The following MATCAP2 variants were observed in gnomAD, a reference collection of about 807,000 sequenced individuals.
The protein encoded by MATCAP2 is microtubule associated tyrosine carboxypeptidase 2.
chr7:36,388,824 G>C, the MATCAP2 span, among the ~76,000 whole-genome samples: 1 of 152,204 alleles, frequency 6.6e-6, no homozygotes, highest in Non-Finnish European at 1.5e-5. Context: ...TAGAGGGCTT[G>C]TCAGAATTCC....
the MATCAP2 span, among the ~76,000 whole-genome samples, chr7:36,353,378 C>G: frequency 6.6e-6 from 1 of 151,896 alleles, no homozygotes; most frequent in African/African-American, 2.4e-5. Context: ...ATGAAAACAG[C>G]TGTTTTTTGT....
At chr7:36,379,845 CACAGAGAGAGAG>C in the MATCAP2 span, among the ~76,000 whole-genome samples, 2 of 125,310 alleles carry the variant, frequency 1.6e-5, no homozygotes, top group Non-Finnish European at 3.4e-5. Context: ...CACACACACA[CACAGAGAGAGAG>C]AGAGAGAGAG....
At chr7:36,325,698 C>T in the MATCAP2 span, 1 of 152,182 alleles carries the variant, frequency 6.6e-6, no homozygotes, top group Admixed American at 6.5e-5. Context: ...AAATACAAAG[C>T]TAGGCTAGCA....
the MATCAP2 span, among the ~76,000 whole-genome samples, chr7:36,381,912 A>G: frequency 6.6e-6 from 1 of 152,152 alleles, no homozygotes; most frequent in African/African-American, 2.4e-5. Context: ...GTGAGGAGAA[A>G]TTTTTGAAGT....
At chr7:36,365,876 G>A in the MATCAP2 span, among the ~76,000 whole-genome samples, 2 of 152,212 alleles carry the variant, frequency 1.3e-5, no homozygotes, top group Admixed American at 1.3e-4. Context: ...TTGCCTTTTC[G>A]ATCTCAGATC....
the MATCAP2 span, among the ~76,000 whole-genome samples, chr7:36,389,038 G>T: frequency 6.6e-6 from 1 of 152,284 alleles, no homozygotes; most frequent in African/African-American, 2.4e-5. Context: ...CAAAGCTACT[G>T]AAGGCCAACG....
the MATCAP2 span, among the ~76,000 whole-genome samples, chr7:36,348,394 T>C: frequency 4.6e-5 from 7 of 152,368 alleles, no homozygotes; most frequent in Admixed American, 3.3e-4. Context: ...GTAAAGCTAC[T>C]GATTATAAGA....
At chr7:36,385,835 AATAAAATAAAATAAAATAAG>A in the MATCAP2 span, among the ~76,000 whole-genome samples, 1 of 148,156 alleles carries the variant, frequency 6.7e-6, no homozygotes, top group Non-Finnish European at 1.5e-5. Flanking sequence ...AATAAAATAA[AATAAAATAAAATAAAATAAG>A]ATAAAGAAAG....
At chr7:36,335,221 T>A in the MATCAP2 span, 1 of 1,587,408 alleles carries the variant, frequency 6.3e-7, no homozygotes, top group Non-Finnish European at 8.6e-7. Flanking sequence ...AAACAAAACA[T>A]AAAGGTAAGG....
chr7:36,325,765 G>A, the MATCAP2 span: 2 of 152,054 alleles, frequency 1.3e-5, no homozygotes, highest in African/African-American at 2.4e-5. Context: ...GTCATTACTG[G>A]GTTGATGAAG....
chr7:36,368,535 C>T, the MATCAP2 span, among the ~76,000 whole-genome samples: 2 of 152,184 alleles, frequency 1.3e-5, no homozygotes, highest in Non-Finnish European at 2.9e-5. Flanking sequence ...GTTCAAGCCA[C>T]CACCACCTCT....
the MATCAP2 span, chr7:36,355,214 T>C: frequency 6.6e-6 from 1 of 152,244 alleles, no homozygotes; most frequent in Non-Finnish European, 1.5e-5. Context: ...AACCTCTTTA[T>C]TAGTGCTTTG....
At chr7:36,356,863 AC>A in the MATCAP2 span, 1 of 1,438,048 alleles carries the variant, frequency 7.0e-7, no homozygotes, top group Non-Finnish European at 9.8e-7. Context: ...TTGTTTTAGT[AC>A]ATAAAAATGA....
chr7:36,345,821 C>T, the MATCAP2 span, among the ~76,000 whole-genome samples: 1 of 152,038 alleles, frequency 6.6e-6, no homozygotes, highest in African/African-American at 2.4e-5. Flanking sequence ...GATATGACAC[C>T]AAAAGCACAA....
chr7:36,382,909 T>C, the MATCAP2 span, among the ~76,000 whole-genome samples: 1 of 152,238 alleles, frequency 6.6e-6, no homozygotes, highest in African/African-American at 2.4e-5. Context: ...CTGTGGTCCT[T>C]TAAATATGAA....
chr7:36,352,806 C>G, the MATCAP2 span, among the ~76,000 whole-genome samples: 1 of 141,070 alleles, frequency 7.1e-6, no homozygotes, highest in South Asian at 2.3e-4. Flanking sequence ...GCCTGGGCAA[C>G]AGAGTGAGAC....
chr7:36,369,152 T>C, the MATCAP2 span, among the ~76,000 whole-genome samples: 1 of 152,172 alleles, frequency 6.6e-6, no homozygotes, highest in Non-Finnish European at 1.5e-5. Flanking sequence ...GGCTGGCATG[T>C]AGTAGGTCCT....
chr7:36,357,465 T>G, the MATCAP2 span: 1 of 1,614,192 alleles, frequency 6.2e-7, no homozygotes, highest in Non-Finnish European at 8.5e-7. Context: ...GTTCCAGTTG[T>G]GAAAATGTCT....
the MATCAP2 span, chr7:36,357,290 C>T: frequency 1.2e-6 from 2 of 1,614,184 alleles, no homozygotes; most frequent in Non-Finnish European, 1.7e-6. Context: ...AGTACCACTG[C>T]TTGTCACAGG....
Sources: gnomAD v4.1 joint callset for allele counts (sites outside exome capture counted in the v4.1 genomes callset) on GRCh38, gnomAD v4.1.1 for gene constraint, MANE v1.5 for transcripts, NCBI Gene and HGNC (gene_info 2026-07-23, HGNC 2026-07-21) for gene names.